Variants in CDH17 observed in about 807,000 individuals in gnomAD.
CDH17 encodes cadherin 17, also known as cadherin-17.
In CDH17, 67 loss-of-function variants were observed where a neutral mutation model predicts 86.3. The ratio of observed to expected loss-of-function variants is 0.78; its 90% CI spans 0.64 to 0.95. The LOEUF (loss-of-function observed/expected upper bound fraction) is 0.95, where lower values mean the gene tolerates loss of function less well. CDH17 is among the 40% of genes least tolerant of loss of function. The probability of loss-of-function intolerance (pLI) is 0.00; values close to 1 mark genes in which losing one functional copy is unlikely to be tolerated. For missense variants in CDH17, 993 were observed against 1,017.6 expected (o/e 0.98, Z 0.33); for synonymous variants, 367 against 366.4 (o/e 1.00, Z -0.02).
At chr8:94,155,882 C>T (rs908678188) in intron 12 of CDH17, among the ~76,000 whole-genome samples, 19 of 152,268 alleles carry the variant, frequency 1.2e-4, no homozygotes, top group Admixed American at 5.9e-4. Flanking sequence ...GGATTCTATC[C>T]GCATAACTTC....
chr8:94,187,318 T>A (rs1813599925), intron 3 of CDH17, among the ~76,000 whole-genome samples: 1 of 152,208 alleles, frequency 6.6e-6, no homozygotes, highest in South Asian at 2.1e-4. Context: ...CAGCCTCCCA[T>A]GAGAAGCTTC....
intron 15 of CDH17, among the ~76,000 whole-genome samples, chr8:94,134,634 G>T (rs1773511499): frequency 6.6e-6 from 1 of 150,966 alleles, no homozygotes; most frequent in African/African-American, 2.5e-5. Flanking sequence ...TTTTTTGAGG[G>T]GTTTTTTGTG....
chr8:94,186,003 C>A (rs200616746), intron 3 of CDH17, among the ~76,000 whole-genome samples: 1 of 151,832 alleles, frequency 6.6e-6, no homozygotes, highest in African/African-American at 2.4e-5. Flanking sequence ...TGTTGTTTTT[C>A]TTTTTTCCAT....
intron 14 of CDH17, among the ~76,000 whole-genome samples, chr8:94,147,660 C>T (rs1387939727): frequency 6.6e-6 from 1 of 152,188 alleles, no homozygotes; most frequent in Non-Finnish European, 1.5e-5. Flanking sequence ...TGCAAAGAAA[C>T]TCTTTTTTAG....
chr8:94,173,981 T>G lies in CDH17; in HGVS notation c.599A>C (p.Asn200Thr). ...SLTREGSQEL[N>T]PAKNPSYNLV... ...ATTATAGGAAGGATTCTTAGCAGGA[T>G]TCAATTCCTGAGATCCTGTGAGAAG... is the stretch of plus-strand genomic sequence containing the variant. Residue 200 changes from asparagine (N) to threonine (T), a missense_variant, in exon 7 of 18, where the codon AAT becomes ACT. By Grantham distance (65) the Asn-to-Thr change is moderately conservative (BLOSUM62 0). Transcript: ENST00000027335. 3 of 1,613,784 alleles carry G rather than the reference T, an allele frequency of 1.9e-6. No homozygotes were observed. The highest frequency in any genetic ancestry group is 2.2e-5 in the South Asian group (2 of 91,074).
At chr8:94,130,023 G>A (rs1454248704) in intron 17 of CDH17, among the ~76,000 whole-genome samples, 2 of 152,188 alleles carry the variant, frequency 1.3e-5, no homozygotes, top group African/African-American at 4.8e-5. Flanking sequence ...ACTTGGAATA[G>A]GCACTGAGTT....
chr8:94,155,544 C>T (rs773539000), intron 12 of CDH17, among the ~76,000 whole-genome samples: 37 of 152,164 alleles, frequency 2.4e-4, no homozygotes, highest in Admixed American at 3.3e-4. Context: ...CCTGGCTTTT[C>T]CTCATCCCAT....
At chr8:94,212,562 C>T (rs1251663861), upstream of CDH17, among the ~76,000 whole-genome samples, 1 of 151,178 alleles carries the variant, frequency 6.6e-6, no homozygotes, top group Non-Finnish European at 1.5e-5. Flanking sequence ...AGATTTAAAA[C>T]TTAGATAACA....
intron 15 of CDH17, among the ~76,000 whole-genome samples, chr8:94,145,021 T>A (rs575229803): frequency 6.6e-6 from 1 of 152,192 alleles, no homozygotes; most frequent in Non-Finnish European, 1.5e-5. Flanking sequence ...GCTGGGAGAA[T>A]GCTGAGCAAC....
rs10600702 is a variant in CDH17, at chr8:94,200,537, GTTTTTTTTT to G, written c.-20-5841_-20-5833del. On this transcript the variant is annotated intron_variant, in intron 1 of 17. Coordinates refer to ENST00000027335, the MANE Select transcript of CDH17 (RefSeq NM_004063.4). ...CAGAGGGTTATTATTATTATCTTTTGTTTTTTTTTTTTTTTTTTTTTTTTTTTTTTTACA... is the reference window on the plus strand; with the variant it reads ...CAGAGGGTTATTATTATTATCTTTTGTTTTTTTTTTTTTTTTTTTTTTACA... 1.6e-4 allele frequency among the ~76,000 whole-genome samples: 9 copies of G among 56,916 alleles called. No homozygotes were observed. The East Asian group carries it at 3.0e-3, about 19-fold the overall frequency. The allele number at this position is 56,916 out of a possible 152,430, so 37.3% of individuals were successfully genotyped here.
At chr8:94,138,176 T>G (rs576056904) in intron 15 of CDH17, among the ~76,000 whole-genome samples, 1 of 152,276 alleles carries the variant, frequency 6.6e-6, no homozygotes, top group African/African-American at 2.4e-5. Context: ...CCTATTCATA[T>G]CTGCCAAGAA....
chr8:94,130,113 T>A (rs73697104), intron 17 of CDH17, among the ~76,000 whole-genome samples: 2,185 of 152,318 alleles, frequency 0.014, 64 homozygotes, highest in African/African-American at 0.049. Flanking sequence ...GAGGCTGTGG[T>A]CATGATGCAA....
chr8:94,215,378 A>G (rs990937720), intron 1 of CDH17, among the ~76,000 whole-genome samples: 2 of 152,232 alleles, frequency 1.3e-5, no homozygotes, highest in Non-Finnish European at 2.9e-5. Context: ...CTTAGTGAAA[A>G]AAGTCAGACA....
In CDH17 at chr8:94,159,950, TTAAA is replaced by T. The variant is rs769565576; in HGVS notation, c.1551+17_1551+20del. ...AACCCACAAACAAAGACAAATTCTA[TTAAA>T]TAAATGGGCTATTTACCTTTTTAAT... On this transcript the variant is annotated intron_variant, in intron 12 of 17. Transcript: ENST00000027335. 14 of 1,572,340 alleles carry T rather than the reference TTAAA, an allele frequency of 8.9e-6. No homozygotes were observed. In the African/African-American group the frequency reaches 1.8e-4, roughly 20 times the overall value.
chr8:94,171,343 A>G (rs1366922753), intron 7 of CDH17, among the ~76,000 whole-genome samples: 1 of 152,216 alleles, frequency 6.6e-6, no homozygotes, highest in Admixed American at 6.5e-5. Context: ...GTGTCTGAGG[A>G]CTAAGCCACA....
rs183654984 is a variant in CDH17 at position 94,134,930 on chromosome 8, T to C, written c.2168-3938A>G. 9.5e-4 allele frequency among the ~76,000 whole-genome samples: 144 copies of C among 152,342 alleles called. 1 individual carries two copies. Among genetic ancestry groups the C allele is most frequent in the African/African-American group, 3.2e-3 (133 of 41,572 alleles). On this transcript the variant is annotated intron_variant, in intron 15 of 17. Transcript: ENST00000027335. Reference sequence around the variant, plus strand: ...CATTTCGTTATTTATCCAGTAGTCATTCAGGAGCAGCTTGTTCAGTTTCCA... The same window carrying C: ...CATTTCGTTATTTATCCAGTAGTCACTCAGGAGCAGCTTGTTCAGTTTCCA...
intron 15 of CDH17, among the ~76,000 whole-genome samples, chr8:94,136,721 A>C (rs1004020601): frequency 1.3e-5 from 2 of 152,188 alleles, no homozygotes; most frequent in African/African-American, 4.8e-5. Flanking sequence ...GAGAAGAGGC[A>C]TTCTGGTTTT....
chr8:94,196,380 C>T (rs559857789), intron 1 of CDH17, among the ~76,000 whole-genome samples: 1 of 152,216 alleles, frequency 6.6e-6, no homozygotes, highest in African/African-American at 2.4e-5. Flanking sequence ...TTAAGCATCA[C>T]CCAGGATGTA....
rs529255132 is a variant in CDH17 at position 94,135,461 on chromosome 8, C to G, written c.2168-4469G>C. ...TTTGTTGGTTTAAAGTCTGTTTTAT[C>G]AGAGACTAGGATTGCGATCCCTGCT... is the stretch of plus-strand genomic sequence containing the variant. On this transcript the variant is annotated intron_variant, in intron 15 of 17. Transcript: ENST00000027335. Among the ~76,000 whole-genome samples, 294 of 152,296 alleles carry G rather than the reference C, an allele frequency of 1.9e-3. 1 individual carries two copies. Among genetic ancestry groups the G allele is most frequent in the Non-Finnish European group, 3.2e-3 (221 of 68,028 alleles).
Sources: gnomAD v4.1 joint callset for allele counts (sites outside exome capture counted in the v4.1 genomes callset) on GRCh38, gnomAD v4.1.1 for gene constraint, MANE v1.5 for transcripts, NCBI Gene and HGNC (gene_info 2026-07-23, HGNC 2026-07-21) for gene names.